The following ZFAT variants were observed in gnomAD, a reference collection of about 807,000 sequenced individuals.
The protein encoded by ZFAT is zinc finger and AT-hook domain containing, also known as zinc finger protein ZFAT.
In ZFAT, 64 loss-of-function variants were observed where a neutral mutation model predicts 117.7. The observed-to-expected ratio is 0.54, with a 90% CI of 0.44 to 0.67. ZFAT has a LOEUF of 0.67. Ranked by LOEUF, ZFAT falls within the 30% of genes least tolerant of loss-of-function variation. ZFAT has a pLI of 0.00. For synonymous variants in ZFAT, 679 were observed against 615.0 expected (o/e 1.10, Z -1.54); for missense variants, 1,433 against 1,584.5 (o/e 0.90, Z 1.62).
At chr8:134,717,453 G>A (rs1030799477), upstream of ZFAT, among the ~76,000 whole-genome samples, 8 of 88,294 alleles carry the variant, frequency 9.1e-5, no homozygotes, top group Non-Finnish European at 1.6e-4. Flanking sequence ...AATTGGTCAA[G>A]TCAATAACAA....
At chr8:134,722,221 A>G in the ZFAT span, among the ~76,000 whole-genome samples, 3 of 152,244 alleles carry the variant, frequency 2.0e-5, no homozygotes, top group Non-Finnish European at 4.4e-5. Flanking sequence ...TGTGGGAGGC[A>G]CACCTCAGAG....
the ZFAT span, among the ~76,000 whole-genome samples, chr8:134,761,629 G>C: frequency 6.6e-6 from 1 of 152,018 alleles, no homozygotes; most frequent in African/African-American, 2.4e-5. Context: ...GAACCTGGGA[G>C]GTGTAGGTTG....
intron 14 of ZFAT, among the ~76,000 whole-genome samples, chr8:134,511,271 T>C (rs998502224): frequency 1.3e-5 from 2 of 151,814 alleles, no homozygotes; most frequent in African/African-American, 4.8e-5. Context: ...TGTGTGCTCA[T>C]AGGGGATGAA....
the ZFAT span, among the ~76,000 whole-genome samples, chr8:134,819,949 T>C: frequency 7.9e-5 from 12 of 152,032 alleles, no homozygotes; most frequent in East Asian, 1.9e-4. Context: ...GAAGCACACA[T>C]AGACATGACA....
the ZFAT span, among the ~76,000 whole-genome samples, chr8:134,822,323 C>T: frequency 2.0e-5 from 3 of 152,042 alleles, no homozygotes; most frequent in Admixed American, 2.0e-4. Flanking sequence ...TATTTCCTGG[C>T]ACTATTCAAA....
At chr8:134,673,031 T>C (rs928480484) in intron 1 of ZFAT, 5 of 152,224 alleles carry the variant, frequency 3.3e-5, no homozygotes, top group African/African-American at 7.2e-5. Context: ...ACAAAAAGCC[T>C]ATCTCTGTGG....
the ZFAT span, among the ~76,000 whole-genome samples, chr8:134,738,273 T>C: frequency 1.3e-5 from 2 of 152,054 alleles, no homozygotes; most frequent in South Asian, 2.1e-4. Context: ...AGCTTGGGGG[T>C]TGAAATCAGG....
At chr8:134,714,362 C>CACTAG (rs1210005855), upstream of ZFAT, among the ~76,000 whole-genome samples, 1 of 152,206 alleles carries the variant, frequency 6.6e-6, no homozygotes, top group African/African-American at 2.4e-5. Context: ...CGTTCATCCT[C>CACTAG]ACTAGACTGA....
chr8:134,616,380 C>T (rs992454336), intron 3 of ZFAT, among the ~76,000 whole-genome samples: 1 of 152,218 alleles, frequency 6.6e-6, no homozygotes, highest in South Asian at 2.1e-4. Flanking sequence ...GACCTGGTTG[C>T]TCACCAATTT....
chr8:134,717,005 A>C (rs1423173739), upstream of ZFAT, among the ~76,000 whole-genome samples: 1 of 152,246 alleles, frequency 6.6e-6, no homozygotes, highest in East Asian at 1.9e-4. Context: ...CAGGAAGGGC[A>C]GGTCAGGACC....
At chr8:134,523,582 T>C (rs1820815713) in intron 12 of ZFAT, among the ~76,000 whole-genome samples, 1 of 152,192 alleles carries the variant, frequency 6.6e-6, no homozygotes, top group Non-Finnish European at 1.5e-5. Context: ...ACAGACTAGA[T>C]CACAGTCTCA....
At position 134,647,179 on chromosome 8, in the gene ZFAT, C is replaced by T. The variant is rs560806148; in HGVS notation, c.197-9467G>A. Among the ~76,000 whole-genome samples, 359 of 152,072 alleles carry T rather than the reference C, an allele frequency of 2.4e-3. 1 individual carries two copies. The highest frequency in any genetic ancestry group is 8.3e-3 in the African/African-American group (345 of 41,480). ...TTAAAAAAATTACACGCCATGATAA[C>T]GAGGGTGTTATCTCTAAGATGCAAG... On this transcript the variant is annotated intron_variant, in intron 2 of 15. Transcript: ENST00000377838.
chr8:134,637,995 GT>G (rs1274441030), intron 2 of ZFAT, among the ~76,000 whole-genome samples: 1 of 152,154 alleles, frequency 6.6e-6, no homozygotes, highest in African/African-American at 2.4e-5. Flanking sequence ...AGGATTTTAA[GT>G]TGCGGCTGTC....
At chr8:134,629,551 T>C (rs7842812) in intron 3 of ZFAT, among the ~76,000 whole-genome samples, 86,227 of 151,956 alleles carry the variant, frequency 0.57, 25,175 homozygotes, top group Admixed American at 0.67. Flanking sequence ...GGAAGGTGAT[T>C]GGATCATGGG....
intron 11 of ZFAT, among the ~76,000 whole-genome samples, chr8:134,552,977 C>A (rs2130708446): frequency 6.6e-6 from 1 of 152,342 alleles, no homozygotes; most frequent in East Asian, 1.9e-4. Context: ...GGGCAAACTT[C>A]CTCCAGTGCT....
At chr8:134,830,693 G>A in the ZFAT span, among the ~76,000 whole-genome samples, 1 of 152,140 alleles carries the variant, frequency 6.6e-6, no homozygotes, top group African/African-American at 2.4e-5. Flanking sequence ...TCTTAGATGA[G>A]ATTTAAATTT....
chr8:134,522,219 G>C (rs867425571), intron 12 of ZFAT, among the ~76,000 whole-genome samples: 40 of 152,346 alleles, frequency 2.6e-4, no homozygotes, highest in South Asian at 1.2e-3. Context: ...CCACCTCCAC[G>C]GTAGAGCAGG....
chr8:134,773,167 A>G, the ZFAT span, among the ~76,000 whole-genome samples: 1 of 152,028 alleles, frequency 6.6e-6, no homozygotes, highest in Non-Finnish European at 1.5e-5. Context: ...CTCATTAGGG[A>G]CTAATGCAGC....
At position 134,501,460 on chromosome 8, in the gene ZFAT, C is replaced by T. The variant is rs534239387; in HGVS notation, c.3492+8159G>A. Reference sequence around the variant, plus strand: ...ACTGCTGTTACCATCAATTCTTTTACAATTATACATACTCTTAATCTTCTT... The same window carrying T: ...ACTGCTGTTACCATCAATTCTTTTATAATTATACATACTCTTAATCTTCTT... On this transcript the variant is annotated intron_variant, in intron 15 of 15. Coordinates refer to ENST00000377838, the MANE Select transcript of ZFAT (RefSeq NM_020863.4). 3.3e-5 allele frequency among the ~76,000 whole-genome samples: 5 copies of T among 152,174 alleles called. No homozygotes were observed. In the East Asian group the frequency reaches 7.7e-4, roughly 23 times the overall value.
Sources: gnomAD v4.1 joint callset for allele counts (sites outside exome capture counted in the v4.1 genomes callset) on GRCh38, gnomAD v4.1.1 for gene constraint, MANE v1.5 for transcripts, NCBI Gene and HGNC (gene_info 2026-07-23, HGNC 2026-07-21) for gene names.